Variants in LDAH observed in about 807,000 individuals in gnomAD.
LDAH encodes the protein lipid droplet associated hydrolase.
LDAH carries 26 observed loss-of-function variants against 29.6 expected under a neutral mutation model. The observed-to-expected ratio is 0.88, with a 90% CI of 0.64 to 1.22. The LOEUF (loss-of-function observed/expected upper bound fraction) is 1.22. Among genes scored for constraint, LDAH ranks in the 50% most tolerant of loss-of-function variants. The pLI is 0.00. For missense variants in LDAH, 344 were observed against 387.3 expected (o/e 0.89, Z 0.94); for synonymous variants, 117 against 133.0 (o/e 0.88, Z 0.83).
chr2:20,733,318 C>T (rs765868837), intron 5 of LDAH, among the ~76,000 whole-genome samples: 1 of 151,846 alleles, frequency 6.6e-6, no homozygotes, highest in Admixed American at 6.6e-5. Flanking sequence ...GCAGCCTTGG[C>T]CTCCTGGGCT....
intron 6 of LDAH, among the ~76,000 whole-genome samples, chr2:20,691,894 G>C (rs937080593): frequency 6.6e-6 from 1 of 152,170 alleles, no homozygotes; most frequent in Non-Finnish European, 1.5e-5. Context: ...TGGGCTTATA[G>C]ATGAACTTCC....
At chr2:20,731,929 T>C (rs1666438493) in intron 5 of LDAH, among the ~76,000 whole-genome samples, 1 of 152,012 alleles carries the variant, frequency 6.6e-6, no homozygotes, top group Non-Finnish European at 1.5e-5. Flanking sequence ...GGATTTTCTC[T>C]ACAGACAATC....
At chr2:20,791,506 T>G (rs1432509852) in intron 2 of LDAH, among the ~76,000 whole-genome samples, 1 of 152,236 alleles carries the variant, frequency 6.6e-6, no homozygotes, top group Non-Finnish European at 1.5e-5. Flanking sequence ...TCCATATTAT[T>G]TTGCTTCTGT....
At chr2:20,812,696 A>G (rs1353047246) in intron 1 of LDAH, among the ~76,000 whole-genome samples, 3 of 152,230 alleles carry the variant, frequency 2.0e-5, no homozygotes, top group Non-Finnish European at 2.9e-5. Flanking sequence ...ACAGGCATTA[A>G]CTAAGACATG....
rs368884662 is a variant in LDAH at position 20,725,622 on chromosome 2, A to G, written c.703+14349T>C. On this transcript the variant is annotated intron_variant, in intron 5 of 6. Coordinates refer to ENST00000237822, the MANE Select transcript of LDAH (RefSeq NM_021925.4). ...CAATGTAACTACCTAAAAGCCAACAAAAATTTTCATTTCCCTTGATTGACT... is the reference window on the plus strand; with the variant it reads ...CAATGTAACTACCTAAAAGCCAACAGAAATTTTCATTTCCCTTGATTGACT... 1.5e-3 allele frequency among the ~76,000 whole-genome samples: 228 copies of G among 152,358 alleles called. 4 individuals carry two copies. In the South Asian group the frequency reaches 0.044, roughly 29 times the overall value.
intron 1 of LDAH, among the ~76,000 whole-genome samples, chr2:20,809,117 C>T (rs746918402): frequency 2.0e-5 from 3 of 151,866 alleles, no homozygotes; most frequent in Admixed American, 6.6e-5. Flanking sequence ...GACTGCCAGG[C>T]GTGGTGGCTC....
chr2:20,714,597 G>A (rs1257511749), intron 5 of LDAH, among the ~76,000 whole-genome samples: 1 of 152,140 alleles, frequency 6.6e-6, no homozygotes, highest in Non-Finnish European at 1.5e-5. Context: ...CCAGGAGCTG[G>A]TTTTTTGAAA....
intron 3 of LDAH, among the ~76,000 whole-genome samples, chr2:20,776,840 T>C (rs1287213875): frequency 6.6e-6 from 1 of 152,218 alleles, no homozygotes; most frequent in Admixed American, 6.5e-5. Flanking sequence ...TTTCAAAATA[T>C]GCAGCATTTG....
intron 5 of LDAH, among the ~76,000 whole-genome samples, chr2:20,703,834 A>G (rs1664130072): frequency 6.6e-6 from 1 of 152,216 alleles, no homozygotes; most frequent in South Asian, 2.1e-4. Context: ...TATTCATTCA[A>G]AGATGACTGA....
intron 1 of LDAH, among the ~76,000 whole-genome samples, chr2:20,820,426 A>C (rs1420276218): frequency 6.6e-6 from 1 of 152,190 alleles, no homozygotes. Flanking sequence ...GATATAGATC[A>C]ATGGAACAGA....
intron 1 of LDAH, among the ~76,000 whole-genome samples, chr2:20,815,692 G>A (rs1014504184): frequency 3.9e-5 from 6 of 151,938 alleles, no homozygotes; most frequent in Non-Finnish European, 7.4e-5. Context: ...CCACCCTTCA[G>A]GAACAAAGGG....
chr2:20,720,510 T>C (rs546533779), intron 5 of LDAH, among the ~76,000 whole-genome samples: 2 of 152,124 alleles, frequency 1.3e-5, no homozygotes, highest in East Asian at 1.9e-4. Context: ...TGCTCATGGA[T>C]TGGAAGGGTT....
intron 5 of LDAH, among the ~76,000 whole-genome samples, chr2:20,736,417 G>A (rs1237609478): frequency 6.6e-6 from 1 of 152,032 alleles, no homozygotes; most frequent in Non-Finnish European, 1.5e-5. Flanking sequence ...ACCCTAGCCT[G>A]GGTGGCAGAG....
chr2:20,759,010 T>G (rs2124943239), intron 4 of LDAH, among the ~76,000 whole-genome samples: 1 of 152,296 alleles, frequency 6.6e-6, no homozygotes, highest in South Asian at 2.1e-4. Flanking sequence ...TTACTGAAGC[T>G]CTCAGAGACT....
chr2:20,692,572 T>C (rs1441380347), intron 6 of LDAH, among the ~76,000 whole-genome samples: 3 of 152,192 alleles, frequency 2.0e-5, no homozygotes, highest in African/African-American at 7.2e-5. Flanking sequence ...GCTAATAAAA[T>C]GAAAGTTTTG....
intron 4 of LDAH, among the ~76,000 whole-genome samples, chr2:20,747,387 G>C (rs1447342651): frequency 6.6e-6 from 1 of 152,010 alleles, no homozygotes; most frequent in Non-Finnish European, 1.5e-5. Context: ...CGTACAAGCA[G>C]AAAACAAACA....
At chr2:20,682,732 C>T (rs1662354229), downstream of LDAH, among the ~76,000 whole-genome samples, 1 of 152,222 alleles carries the variant, frequency 6.6e-6, no homozygotes, top group African/African-American at 2.4e-5. Context: ...TAGGACCCAC[C>T]TCCCAATAGT....
rs181906530 is a variant in LDAH, at chr2:20,822,013, A to T, written c.-3+1024T>A. On this transcript the variant is annotated intron_variant, in intron 1 of 6. Coordinates refer to ENST00000237822, the MANE Select transcript of LDAH (RefSeq NM_021925.4). ...TATAGTTTCAGAAAGAAGTTTAATT[A>T]AAAAACAGCTTTTGAGAATAAACAT... Among the ~76,000 whole-genome samples, 752 of 152,328 alleles carry T rather than the reference A, an allele frequency of 4.9e-3. 6 individuals are homozygous for T. The highest frequency in any genetic ancestry group is 0.02 in the South Asian group (95 of 4,824).
intron 4 of LDAH, among the ~76,000 whole-genome samples, chr2:20,747,244 T>C (rs779551957): frequency 3.9e-5 from 6 of 152,154 alleles, no homozygotes; most frequent in Admixed American, 2.6e-4. Flanking sequence ...CAATGGTGCC[T>C]ATGTGTTATG....
Sources: gnomAD v4.1 joint callset for allele counts (sites outside exome capture counted in the v4.1 genomes callset) on GRCh38, gnomAD v4.1.1 for gene constraint, MANE v1.5 for transcripts, NCBI Gene and HGNC (gene_info 2026-07-23, HGNC 2026-07-21) for gene names.